The following MEMO1 variants were observed in gnomAD, a reference collection of about 807,000 sequenced individuals.
MEMO1 encodes protein MEMO1.
A neutral mutation model predicts 45.2 loss-of-function variants in MEMO1; 6 were observed. The observed-to-expected ratio is 0.13, with a 90% CI of 0.07 to 0.26. The LOEUF (loss-of-function observed/expected upper bound fraction) is 0.26. MEMO1 is among the 10% of genes least tolerant of loss of function. MEMO1 has a pLI of 1.00. For synonymous variants in MEMO1, 78 were observed against 124.3 expected (o/e 0.63, Z 2.48); for missense variants, 184 against 370.5 (o/e 0.50, Z 4.13).
intron 8 of MEMO1, among the ~76,000 whole-genome samples, chr2:31,873,077 G>A (rs1456775923): frequency 1.3e-5 from 2 of 152,056 alleles, no homozygotes; most frequent in Non-Finnish European, 2.9e-5. Context: ...AGATGAAAAA[G>A]AATATCCTTC....
At chr2:31,952,465 A>G (rs1278616124) in intron 2 of MEMO1, among the ~76,000 whole-genome samples, 1 of 152,164 alleles carries the variant, frequency 6.6e-6, no homozygotes, top group Non-Finnish European at 1.5e-5. Context: ...TTCGTACCCA[A>G]AAGAGCTACA....
rs1341036510 is a variant in MEMO1 at position 32,006,808 on chromosome 2, T to C, written c.61+3379A>G. On this transcript the variant is annotated intron_variant, in intron 2 of 9. Coordinates refer to ENST00000404530, the MANE Select transcript of MEMO1 (RefSeq NM_001301833.4). ...GGTGAAACCCCATCTCTACTAAAAATACAAAAATTAGCCAGGCATGGTGGC... is the reference window on the plus strand; with the variant it reads ...GGTGAAACCCCATCTCTACTAAAAACACAAAAATTAGCCAGGCATGGTGGC... Among the ~76,000 whole-genome samples, 8 of 151,722 alleles carry C rather than the reference T, an allele frequency of 5.3e-5. No individual in the cohort carries two copies. The East Asian group carries it at 1.4e-3, about 26-fold the overall frequency.
chr2:31,998,365 G>T (rs1672854961), intron 2 of MEMO1, among the ~76,000 whole-genome samples: 1 of 152,066 alleles, frequency 6.6e-6, no homozygotes, highest in Non-Finnish European at 1.5e-5. Flanking sequence ...CTCCTCATGA[G>T]ATGCTTAATC....
intron 2 of MEMO1, among the ~76,000 whole-genome samples, chr2:32,005,343 C>G (rs1237477251): frequency 3.4e-5 from 5 of 149,108 alleles, no homozygotes; most frequent in Non-Finnish European, 7.4e-5. Context: ...AAAAGAAGCT[C>G]AAAGAATACA....
chr2:31,990,088 G>A (rs764914568), intron 2 of MEMO1, among the ~76,000 whole-genome samples: 5 of 152,186 alleles, frequency 3.3e-5, no homozygotes, highest in Non-Finnish European at 5.9e-5. Context: ...CTGCACTCCA[G>A]CATGGACGAC....
chr2:31,942,233 T>C (rs1376892312), intron 3 of MEMO1, among the ~76,000 whole-genome samples: 1 of 152,184 alleles, frequency 6.6e-6, no homozygotes, highest in Non-Finnish European at 1.5e-5. Context: ...ATTTTCTCAA[T>C]TAAAAAAAGA....
At chr2:31,995,412 C>A (rs904726188) in intron 2 of MEMO1, among the ~76,000 whole-genome samples, 2 of 151,960 alleles carry the variant, frequency 1.3e-5, no homozygotes, top group Non-Finnish European at 2.9e-5. Flanking sequence ...CAAGATTGCA[C>A]CACTGCACTC....
chr2:31,940,957 T>C (rs1440428987), intron 3 of MEMO1, among the ~76,000 whole-genome samples: 3 of 152,216 alleles, frequency 2.0e-5, no homozygotes, highest in Non-Finnish European at 4.4e-5. Context: ...GTCATCTCTT[T>C]TCTATAATTA....
chr2:31,888,770 G>A (rs1047273263), intron 7 of MEMO1, among the ~76,000 whole-genome samples: 7 of 152,020 alleles, frequency 4.6e-5, no homozygotes, highest in Admixed American at 2.6e-4. Flanking sequence ...GCAATAAAAG[G>A]CAGGAACTGA....
chr2:31,991,571 C>CAA (rs11317637), intron 2 of MEMO1, among the ~76,000 whole-genome samples: 1 of 110,240 alleles, frequency 9.1e-6, no homozygotes, highest in African/African-American at 3.4e-5. Context: ...AACTCCGACT[C>CAA]AAAAAAAAAA....
At chr2:31,924,883 A>C (rs1682855000) in intron 4 of MEMO1, among the ~76,000 whole-genome samples, 1 of 152,230 alleles carries the variant, frequency 6.6e-6, no homozygotes, top group Admixed American at 6.5e-5. Context: ...ACTAAAATGT[A>C]TCATTGTTAA....
At chr2:31,938,457 T>C (rs1291148814) in intron 3 of MEMO1, among the ~76,000 whole-genome samples, 1 of 151,652 alleles carries the variant, frequency 6.6e-6, no homozygotes, top group African/African-American at 2.4e-5. Flanking sequence ...CCATCCTGGC[T>C]AACACGGTGA....
chr2:31,874,977 C>T (rs1169988861), intron 8 of MEMO1, among the ~76,000 whole-genome samples: 1 of 151,938 alleles, frequency 6.6e-6, no homozygotes, highest in Non-Finnish European at 1.5e-5. Flanking sequence ...GCTAACCATA[C>T]ACGGGTCTTA....
At chr2:31,986,798 T>C (rs185793637) in intron 2 of MEMO1, among the ~76,000 whole-genome samples, 152 of 152,276 alleles carry the variant, frequency 1.0e-3, no homozygotes, top group African/African-American at 3.5e-3. Flanking sequence ...TGCTATTCTA[T>C]GTGCAGTAGA....
chr2:31,869,700 C>A, intron 9 of MEMO1, 148 bp downstream of exon 9: 6 of 712,862 alleles, frequency 8.4e-6, no homozygotes, highest in Non-Finnish European at 1.3e-5. Context: ...TAACCAAAAG[C>A]AATGGAACTC....
At chr2:31,908,818 T>C (rs1680142494) in intron 6 of MEMO1, among the ~76,000 whole-genome samples, 1 of 152,210 alleles carries the variant, frequency 6.6e-6, no homozygotes, top group South Asian at 2.1e-4. Flanking sequence ...TACAAGAGTT[T>C]AACAGACTTG....
intron 2 of MEMO1, among the ~76,000 whole-genome samples, chr2:31,951,595 C>A (rs1224701462): frequency 3.3e-5 from 5 of 151,680 alleles, no homozygotes; most frequent in Non-Finnish European, 5.9e-5. Context: ...TGCAGTGGCA[C>A]GATCTCGGCT....
intron 2 of MEMO1, among the ~76,000 whole-genome samples, chr2:31,972,410 AG>A (rs1669514089): frequency 6.6e-6 from 1 of 152,196 alleles, no homozygotes; most frequent in Non-Finnish European, 1.5e-5. Context: ...CTTACAGAAA[AG>A]GATAAGAGAA....
chr2:31,999,634 C>A (rs1000719682), intron 2 of MEMO1, among the ~76,000 whole-genome samples: 1 of 152,136 alleles, frequency 6.6e-6, no homozygotes, highest in African/African-American at 2.4e-5. Flanking sequence ...TGCACCACTG[C>A]ACTCTAGCCT....
Sources: allele counts gnomAD v4.1 joint callset (sites outside exome capture counted in the v4.1 genomes callset), GRCh38; gene constraint gnomAD v4.1.1; transcripts MANE v1.5; gene names NCBI Gene and HGNC (gene_info 2026-07-23, HGNC 2026-07-21).